ACACA: variants seen among roughly 807,000 people sequenced by gnomAD.
The protein encoded by ACACA is acetyl-CoA carboxylase 1.
ACACA carries 103 observed loss-of-function variants against 296.1 expected under a neutral mutation model. The observed-to-expected ratio is 0.35, with a 90% CI of 0.30 to 0.41. The LOEUF (loss-of-function observed/expected upper bound fraction) is 0.41. Among genes scored for constraint, ACACA ranks in the 10% least tolerant of loss-of-function variants. ACACA has a pLI of 1.00. For missense variants in ACACA, 1,554 were observed against 2,989.7 expected, an observed-to-expected ratio of 0.52 and a Z score of 11.20; for synonymous variants, 953 against 1,038.6, an observed-to-expected ratio of 0.92 and a Z score of 1.58.
chr17:37,102,536 C>T (rs1021700351), intron 52 of ACACA, among the ~76,000 whole-genome samples: 3 of 152,186 alleles, frequency 2.0e-5, no homozygotes, highest in Non-Finnish European at 4.4e-5. Flanking sequence ...TCAGGATTTA[C>T]ACTTGGGTCT....
intron 52 of ACACA, among the ~76,000 whole-genome samples, chr17:37,103,178 G>A (rs1460066404): frequency 6.6e-6 from 1 of 152,234 alleles, no homozygotes; most frequent in Non-Finnish European, 1.5e-5. Context: ...AGCCAGCCCC[G>A]GTAATGATTT....
intron 1 of ACACA, among the ~76,000 whole-genome samples, chr17:37,367,371 G>A (rs1216502576): frequency 6.6e-6 from 1 of 152,016 alleles, no homozygotes; most frequent in Non-Finnish European, 1.5e-5. Flanking sequence ...GAGAAGAACC[G>A]ATTCTTGGTA....
intron 25 of ACACA, among the ~76,000 whole-genome samples, chr17:37,232,502 G>T (rs2079907848): frequency 6.6e-6 from 1 of 152,120 alleles, no homozygotes; most frequent in Non-Finnish European, 1.5e-5. Context: ...GGAGGAGGGA[G>T]AGGAAGAAGG....
intron 14 of ACACA, among the ~76,000 whole-genome samples, chr17:37,253,507 C>G (rs1440538463): frequency 6.6e-6 from 1 of 152,156 alleles, no homozygotes; most frequent in Non-Finnish European, 1.5e-5. Flanking sequence ...GTCAAGTGTG[C>G]TCATTCATGT....
intron 1 of ACACA, among the ~76,000 whole-genome samples, chr17:37,400,740 CTGTGTG>C (rs71135716): frequency 5.6e-4 from 83 of 147,558 alleles, no homozygotes; most frequent in Non-Finnish European, 9.7e-4. Context: ...GTGTGTGTGT[CTGTGTG>C]TGTGTGTGTG....
chr17:37,206,120 T>C (rs2078488888), intron 32 of ACACA, among the ~76,000 whole-genome samples: 1 of 152,200 alleles, frequency 6.6e-6, no homozygotes, highest in South Asian at 2.1e-4. Context: ...GCCCAATCTT[T>C]ACTTGGCATG....
At chr17:37,327,067 A>G (rs1184848688) in intron 3 of ACACA, among the ~76,000 whole-genome samples, 2 of 152,164 alleles carry the variant, frequency 1.3e-5, no homozygotes, top group African/African-American at 4.8e-5. Flanking sequence ...TCTCCTAGGA[A>G]TGTACCTGCC....
chr17:37,087,715 T>C (rs1251985066), intron 55 of ACACA, among the ~76,000 whole-genome samples: 1 of 151,954 alleles, frequency 6.6e-6, no homozygotes, highest in Non-Finnish European at 1.5e-5. Context: ...AAGACAGCAA[T>C]TGGGGCATCA....
chr17:37,393,852 T>C (rs531398374), intron 1 of ACACA, among the ~76,000 whole-genome samples: 33 of 152,118 alleles, frequency 2.2e-4, no homozygotes, highest in African/African-American at 7.2e-4. Flanking sequence ...TTGGGTAACA[T>C]TTGTACTGAC....
intron 1 of ACACA, chr17:37,392,046 C>G: frequency 3.6e-6 from 1 of 277,696 alleles, no homozygotes; most frequent in East Asian, 6.3e-5. Flanking sequence ...CAAACACAGC[C>G]TCTAAGAAAC....
In ACACA at chr17:37,191,115, T is replaced by C. The variant is rs1182132278; in HGVS notation, c.4572+5A>G. ...TGCTGGGAGAGAAGCTAAGGAGAAA[T>C]GTACCTTTGATGGGTCCATGATAAC... On this transcript the variant is annotated splice_donor_5th_base_variant and intron_variant, in intron 38 of 55. Coordinates refer to ENST00000616317, the MANE Select transcript of ACACA (RefSeq NM_198834.3). 6.2e-7 allele frequency: 1 copy of C among 1,613,906 alleles called. No individual in the cohort carries two copies. Among genetic ancestry groups the C allele is most frequent in the Non-Finnish European group, 8.5e-7 (1 of 1,179,952 alleles).
chr17:37,183,057 G>A (rs1339255745), intron 39 of ACACA, among the ~76,000 whole-genome samples: 1 of 152,204 alleles, frequency 6.6e-6, no homozygotes, highest in Non-Finnish European at 1.5e-5. Context: ...TGTTAAGTAA[G>A]GCAAGGGTAC....
chr17:37,252,799 T>C, intron 15 of ACACA, 87 bp downstream of exon 15: 4 of 1,553,162 alleles, frequency 2.6e-6, no homozygotes, highest in Non-Finnish European at 3.5e-6. Flanking sequence ...TACATTAGAA[T>C]CAAATAAATT....
At chr17:37,270,651 A>G in intron 10 of ACACA, 100 bp downstream of exon 10, 1 of 925,420 alleles carries the variant, frequency 1.1e-6, no homozygotes, top group Non-Finnish European at 1.7e-6. Flanking sequence ...CAAAATTAAA[A>G]ATTAAATATT....
intron 11 of ACACA, 37 bp from the exon 12 acceptor site, chr17:37,259,567 C>T (rs1463463254): frequency 6.2e-7 from 1 of 1,611,494 alleles, no homozygotes. Context: ...AAGTATCTCA[C>T]CTTATCCAAC....
intron 42 of ACACA, among the ~76,000 whole-genome samples, chr17:37,160,907 C>G (rs1409518332): frequency 6.6e-6 from 1 of 151,890 alleles, no homozygotes; most frequent in Non-Finnish European, 1.5e-5. Flanking sequence ...AGAGAGGAAG[C>G]TGGAAAGAGA....
chr17:37,147,922 A>G (rs1337984166), intron 45 of ACACA, among the ~76,000 whole-genome samples: 1 of 152,192 alleles, frequency 6.6e-6, no homozygotes, highest in East Asian at 1.9e-4. Context: ...ATGAAATTCA[A>G]CTAGCAAGTT....
intron 52 of ACACA, among the ~76,000 whole-genome samples, chr17:37,107,624 C>T (rs1415916251): frequency 6.6e-6 from 1 of 152,244 alleles, no homozygotes; most frequent in Non-Finnish European, 1.5e-5. Flanking sequence ...GCAGTCAGGG[C>T]ATGTTCTGTG....
At chr17:37,234,174 C>G (rs1310188824) in intron 25 of ACACA, among the ~76,000 whole-genome samples, 2 of 152,176 alleles carry the variant, frequency 1.3e-5, no homozygotes, top group African/African-American at 4.8e-5. Context: ...GCACTACAGT[C>G]CCCAAAAAGA....
Sources: allele counts gnomAD v4.1 joint callset (sites outside exome capture counted in the v4.1 genomes callset), GRCh38; gene constraint gnomAD v4.1.1; transcripts MANE v1.5; gene names NCBI Gene and HGNC (gene_info 2026-07-23, HGNC 2026-07-21).